NRG3: variants seen among roughly 807,000 people sequenced by gnomAD.
NRG3 encodes neuregulin 3, also known as pro-neuregulin-3, membrane-bound isoform.
A neutral mutation model predicts 66.9 loss-of-function variants in NRG3; 31 were observed. The ratio of observed to expected loss-of-function variants is 0.46; its 90% CI spans 0.35 to 0.63. NRG3 has a LOEUF of 0.63. Ranked by LOEUF, NRG3 falls within the 20% of genes least tolerant of loss-of-function variation. NRG3 has a pLI of 0.00. For synonymous variants in NRG3, 393 were observed against 359.4 expected (o/e 1.09, Z -1.06); for missense variants, 910 against 878.9 (o/e 1.04, Z -0.45).
chr10:82,210,915 A>T (rs755876936), intron 1 of NRG3, among the ~76,000 whole-genome samples: 31 of 145,606 alleles, frequency 2.1e-4, no homozygotes, highest in Non-Finnish European at 3.9e-4. Flanking sequence ...ATTTCATTGG[A>T]ACTTGGTAAA....
At chr10:82,248,749 T>C (rs1351116239) in intron 1 of NRG3, among the ~76,000 whole-genome samples, 1 of 152,186 alleles carries the variant, frequency 6.6e-6, no homozygotes, top group Non-Finnish European at 1.5e-5. Flanking sequence ...ATCACTTGCT[T>C]CCAGTACATT....
chr10:82,546,361 GT>G (rs934432544), intron 2 of NRG3, among the ~76,000 whole-genome samples: 29 of 151,588 alleles, frequency 1.9e-4, no homozygotes, highest in South Asian at 4.2e-4. Context: ...TACCGAGATA[GT>G]TTTTTTTTAA....
At chr10:82,580,664 G>A (rs1439910103) in intron 2 of NRG3, among the ~76,000 whole-genome samples, 1 of 151,542 alleles carries the variant, frequency 6.6e-6, no homozygotes, top group Non-Finnish European at 1.5e-5. Flanking sequence ...AGTCTTTTTG[G>A]GCTTATTTTT....
At chr10:82,749,024 A>C (rs895252131) in intron 3 of NRG3, among the ~76,000 whole-genome samples, 1 of 152,100 alleles carries the variant, frequency 6.6e-6, no homozygotes, top group Non-Finnish European at 1.5e-5. Flanking sequence ...GCAACTTTTC[A>C]TACTGTTCTG....
At chr10:82,839,389 A>G (rs1022182274) in intron 3 of NRG3, among the ~76,000 whole-genome samples, 4 of 152,128 alleles carry the variant, frequency 2.6e-5, no homozygotes, top group African/African-American at 9.7e-5. Context: ...TTAAGTGAGA[A>G]GATAAATGCA....
intron 2 of NRG3, among the ~76,000 whole-genome samples, chr10:82,502,575 A>C (rs754017974): frequency 6.6e-6 from 1 of 152,182 alleles, no homozygotes; most frequent in East Asian, 1.9e-4. Context: ...ATATTTCTAT[A>C]TTTTGGCAAG....
chr10:82,275,269 C>A (rs1468382076), intron 1 of NRG3, among the ~76,000 whole-genome samples: 3 of 151,878 alleles, frequency 2.0e-5, no homozygotes, highest in Non-Finnish European at 4.4e-5. Flanking sequence ...TTATTGCTTA[C>A]CAGAATCTTT....
intron 1 of NRG3, among the ~76,000 whole-genome samples, chr10:82,004,537 G>A (rs1339505984): frequency 6.6e-6 from 1 of 152,186 alleles, no homozygotes; most frequent in Non-Finnish European, 1.5e-5. Flanking sequence ...CTGCAGGTAT[G>A]TGCGGCAGTG....
In NRG3 at chr10:82,291,174, G is replaced by A. The variant is rs565069421; in HGVS notation, c.824-67565G>A. ...ATTAACAACACACACACACACACAC[G>A]CACGCACCAGTCACATTTTTATATA... On this transcript the variant is annotated intron_variant, in intron 1 of 8. Transcript: ENST00000372141. 3.9e-4 allele frequency among the ~76,000 whole-genome samples: 58 copies of A among 147,884 alleles called. 1 individual carries two copies. Among genetic ancestry groups the A allele is most frequent in the Non-Finnish European group, 4.2e-4 (28 of 66,772 alleles).
intron 1 of NRG3, among the ~76,000 whole-genome samples, chr10:82,093,555 T>C (rs1041533664): frequency 2.6e-5 from 4 of 152,210 alleles, no homozygotes; most frequent in African/African-American, 7.2e-5. Flanking sequence ...GCAGCATCCA[T>C]ACGCACTTGA....
At chr10:82,628,004 G>C (rs926461945) in intron 2 of NRG3, among the ~76,000 whole-genome samples, 7 of 152,150 alleles carry the variant, frequency 4.6e-5, no homozygotes, top group Admixed American at 4.6e-4. Flanking sequence ...CATTTTACAG[G>C]TAAGGAAACA....
intron 2 of NRG3, among the ~76,000 whole-genome samples, chr10:82,693,607 C>CA (rs1199751177): frequency 5.9e-5 from 9 of 152,110 alleles, no homozygotes; most frequent in Non-Finnish European, 1.3e-4. Context: ...TGGTTAGATG[C>CA]AAATAAAATT....
At chr10:82,231,708 G>T (rs2076474792) in intron 1 of NRG3, among the ~76,000 whole-genome samples, 1 of 152,118 alleles carries the variant, frequency 6.6e-6, no homozygotes, top group Non-Finnish European at 1.5e-5. Flanking sequence ...CATATTAGTT[G>T]CAGGAGACAT....
At chr10:81,920,338 G>A (rs1170022218) in intron 1 of NRG3, among the ~76,000 whole-genome samples, 2 of 152,094 alleles carry the variant, frequency 1.3e-5, no homozygotes, top group African/African-American at 4.8e-5. Context: ...CACTCTATTT[G>A]ATTGGAGTTT....
intron 1 of NRG3, among the ~76,000 whole-genome samples, chr10:82,143,328 C>T (rs2132668608): frequency 6.6e-6 from 1 of 152,240 alleles, no homozygotes; most frequent in East Asian, 1.9e-4. Flanking sequence ...CAGTATACCA[C>T]TAATGTGCAT....
intron 1 of NRG3, among the ~76,000 whole-genome samples, chr10:81,980,084 G>A (rs965392925): frequency 6.6e-6 from 1 of 152,152 alleles, no homozygotes; most frequent in Non-Finnish European, 1.5e-5. Flanking sequence ...GAGTAAGGAT[G>A]TGATCTCATT....
chr10:82,132,505 C>CAGAT (rs2068958443), intron 1 of NRG3, among the ~76,000 whole-genome samples: 3 of 60,346 alleles, frequency 5.0e-5, no homozygotes, highest in Non-Finnish European at 1.2e-4. Context: ...ATATATATAT[C>CAGAT]ATATATATAT....
In NRG3 at chr10:82,584,316, C is replaced by T. The variant is rs915552072; in HGVS notation, c.954-154261C>T. Among the ~76,000 whole-genome samples the T allele has an allele frequency of 3.3e-5, 5 of 152,182 alleles. No homozygotes were observed. In the East Asian group the frequency reaches 9.7e-4, roughly 30 times the overall value. On this transcript the variant is annotated intron_variant, in intron 2 of 8. Coordinates refer to ENST00000372141, the MANE Select transcript of NRG3 (RefSeq NM_001010848.4). ...GGCCATGCTGGTCTTGAATTTGTGA[C>T]CTCAGGTGATCCACCTACCTCAGCC...
In NRG3 at chr10:82,331,229, T is replaced by G. The variant is rs137971937; in HGVS notation, c.824-27510T>G. 7.8e-3 allele frequency among the ~76,000 whole-genome samples: 1,181 copies of G among 152,300 alleles called. 12 individuals are homozygous for G. Among genetic ancestry groups the G allele is most frequent in the African/African-American group, 0.026 (1,092 of 41,548 alleles). On this transcript the variant is annotated intron_variant, in intron 1 of 8. Transcript: ENST00000372141. ...TTTCACCTGTTGTCTTTTCATCTTCTCTCTTTTTATTCTTGGTCTGGCACT... is the reference window on the plus strand; with the variant it reads ...TTTCACCTGTTGTCTTTTCATCTTCGCTCTTTTTATTCTTGGTCTGGCACT...
Sources: allele counts gnomAD v4.1 joint callset (sites outside exome capture counted in the v4.1 genomes callset), GRCh38; gene constraint gnomAD v4.1.1; transcripts MANE v1.5; gene names NCBI Gene and HGNC (gene_info 2026-07-23, HGNC 2026-07-21).